Variants in KPNA5 observed in about 807,000 individuals in gnomAD.
KPNA5 encodes the protein importin subunit alpha-6.
In KPNA5, 46 loss-of-function variants were observed where a neutral mutation model predicts 71.3. That is an observed-to-expected ratio of 0.65 (90% CI 0.51 to 0.83). KPNA5 has a LOEUF of 0.83. Among genes scored for constraint, KPNA5 ranks in the 40% least tolerant of loss-of-function variants. The probability of loss-of-function intolerance (pLI) is 0.00; values close to 1 mark genes in which losing one functional copy is unlikely to be tolerated. For synonymous variants in KPNA5, 207 were observed against 201.4 expected (o/e 1.03, Z -0.24); for missense variants, 547 against 628.3 (o/e 0.87, Z 1.38).
intron 6 of KPNA5, among the ~76,000 whole-genome samples, chr6:116,703,039 T>G (rs1203548027): frequency 6.6e-6 from 1 of 152,172 alleles, no homozygotes; most frequent in Non-Finnish European, 1.5e-5. Flanking sequence ...TGGGAGCCTT[T>G]TTTTATGGCA....
chr6:116,730,644 G>C (rs371417894), intron 13 of KPNA5, among the ~76,000 whole-genome samples: 2 of 152,096 alleles, frequency 1.3e-5, no homozygotes, highest in East Asian at 3.8e-4. Context: ...GCCTGTTGCT[G>C]ACAGTGTCAC....
In KPNA5 at chr6:116,709,789, G is replaced by A. The variant is rs141033255; in HGVS notation, c.656+4629G>A. ...CTATTTCTTTTTTTTTTTTCGAGAC[G>A]GAGTCATGCTCTGTCGCCAGGCTTG... On this transcript the variant is annotated intron_variant, in intron 7 of 13. Coordinates refer to ENST00000368564, the MANE Select transcript of KPNA5 (RefSeq NM_001366306.2). 2.9e-3 allele frequency among the ~76,000 whole-genome samples: 433 copies of A among 150,146 alleles called. 3 individuals are homozygous for A. Among genetic ancestry groups the A allele is most frequent in the African/African-American group, 0.01 (418 of 40,690 alleles).
chr6:116,733,681 CTATT>C lies in KPNA5; in HGVS notation c.*1362_*1365del, dbSNP rs1779573932. ...CTTTTAATTTATAGTTATACGTAGG[CTATT>C]TATGTGTCCAATTGTATACCTAGAA... On this transcript the variant is annotated 3_prime_UTR_variant, in exon 14 of 14. Transcript: ENST00000368564. 1 of 151,352 alleles carries C rather than the reference CTATT, an allele frequency of 6.6e-6. No homozygotes were observed. The allele number at this position is 151,352 out of a possible 1,614,324, so 9.4% of individuals were successfully genotyped here.
intron 1 of KPNA5, among the ~76,000 whole-genome samples, chr6:116,686,515 TGACA>T (rs745747054): frequency 5.3e-5 from 8 of 152,200 alleles, no homozygotes; most frequent in Non-Finnish European, 1.2e-4. Flanking sequence ...TTTACTCTGT[TGACA>T]GATTCTTTTG....
intron 1 of KPNA5, among the ~76,000 whole-genome samples, chr6:116,684,017 A>G (rs936997487): frequency 4.3e-5 from 6 of 139,944 alleles, no homozygotes; most frequent in Admixed American, 7.8e-5. Flanking sequence ...AGTTCAAGCA[A>G]TTCTCCTGCC....
chr6:116,698,323 A>C (rs938231288), intron 4 of KPNA5, among the ~76,000 whole-genome samples: 2 of 151,996 alleles, frequency 1.3e-5, no homozygotes, highest in African/African-American at 4.8e-5. Context: ...ATAATGAAGG[A>C]GATATGCTTA....
At chr6:116,694,531 C>G (rs1462972406) in intron 4 of KPNA5, among the ~76,000 whole-genome samples, 1 of 150,206 alleles carries the variant, frequency 6.7e-6, no homozygotes, top group African/African-American at 2.5e-5. Context: ...TGATTTGGCT[C>G]TCTGTTTGTC....
At chr6:116,696,940 G>T (rs969055271) in intron 4 of KPNA5, among the ~76,000 whole-genome samples, 1 of 151,864 alleles carries the variant, frequency 6.6e-6, no homozygotes, top group African/African-American at 2.4e-5. Context: ...GTTCTTATGT[G>T]TGTGTGTGGG....
In KPNA5 at chr6:116,726,582, A is replaced by G; in HGVS notation, c.1213A>G (p.Ile405Val). The change falls in exon 12 of 14, where the codon ATA becomes GTA. Residue 405 changes from isoleucine to valine, a missense_variant. Physicochemically the swap from Ile to Val is conservative, Grantham distance 29. Transcript: ENST00000368564. ...TACCAGAAAAGAAGCAGCTTGGGCT[A>G]TAACTAATGCAACATCAGGAGGTAC... ...FRTRKEAAWA[I>V]TNATSGGTPE... The G allele has an allele frequency of 1.9e-6, 3 of 1,612,392 alleles. No homozygotes were observed. Among genetic ancestry groups the G allele is most frequent in the Non-Finnish European group, 2.5e-6 (3 of 1,179,150 alleles).
At position 116,701,889 on chromosome 6, in the gene KPNA5, C is replaced by A. The variant is rs1466836756; in HGVS notation, c.436-130C>A. 1.5e-5 allele frequency: 10 copies of A among 665,918 alleles called. No homozygotes were observed. The South Asian group carries it at 3.2e-4, about 21-fold the overall frequency. 41.3% of individuals were successfully genotyped at this position (665,918 alleles called of 1,614,324 possible). On this transcript the variant is annotated intron_variant, in intron 5 of 13. Transcript: ENST00000368564. ...GAGTTTTTATCCTTAAATCTGACTT[C>A]ACAATGAATCTTAATATAAGTCAGT...
rs189302208 is a variant in KPNA5 at position 116,694,867 on chromosome 6, A to G, written c.340+2475A>G. ...TCATAAAAGTGAAGTAGGGGGTCAA[A>G]GGGAATACACTGTATTAATTTATGC... On this transcript the variant is annotated intron_variant, in intron 4 of 13. Transcript: ENST00000368564. Among the ~76,000 whole-genome samples, 600 of 152,312 alleles carry G rather than the reference A, an allele frequency of 3.9e-3. 15 individuals are homozygous for G. In the South Asian group the frequency reaches 0.041, roughly 10 times the overall value.
intron 8 of KPNA5, among the ~76,000 whole-genome samples, chr6:116,720,560 C>T (rs1349850637): frequency 6.6e-6 from 1 of 152,132 alleles, no homozygotes; most frequent in African/African-American, 2.4e-5. Flanking sequence ...GCTTCAAAAA[C>T]CCGATATTTG....
At chr6:116,709,942 G>A (rs1275523150) in intron 7 of KPNA5, among the ~76,000 whole-genome samples, 2 of 151,876 alleles carry the variant, frequency 1.3e-5, no homozygotes, top group South Asian at 2.1e-4. Context: ...TGTATTTTTA[G>A]TAGAGACAGG....
At position 116,735,573 on chromosome 6, in the gene KPNA5, G is replaced by C. The variant is rs1024818762; in HGVS notation, c.*3250G>C. 2.0e-5 allele frequency: 3 copies of C among 151,558 alleles called. No individual in the cohort carries two copies. The highest frequency in any genetic ancestry group is 7.3e-5 in the African/African-American group (3 of 41,376). The allele number at this position is 151,558 out of a possible 1,614,324, so 9.4% of individuals were successfully genotyped here. A position where few individuals can be genotyped will look rare whatever the true frequency, so the allele number is the denominator to read the frequency against. ...TACCCTACTAAATAAACCAACTTTT[G>C]AGTAGTATGCAATATTATGAAATGT... On this transcript the variant is annotated 3_prime_UTR_variant, in exon 14 of 14. Transcript: ENST00000368564.
intron 2 of KPNA5, 89 bp downstream of exon 2, chr6:116,689,542 A>G: frequency 9.0e-7 from 1 of 1,112,240 alleles, no homozygotes; most frequent in Non-Finnish European, 1.2e-6. Flanking sequence ...TGTTTTAAGA[A>G]ATTGAATATA....
chr6:116,700,539 G>C, intron 5 of KPNA5, among the ~76,000 whole-genome samples: 1 of 152,084 alleles, frequency 6.6e-6, no homozygotes, highest in Non-Finnish European at 1.5e-5. Context: ...AAAAACTATA[G>C]AAATTCAACA....
chr6:116,731,640 A>G (rs2114509411), intron 13 of KPNA5, among the ~76,000 whole-genome samples: 1 of 147,450 alleles, frequency 6.8e-6, no homozygotes, highest in Non-Finnish European at 1.5e-5. Flanking sequence ...CAACAGCCAT[A>G]TGTTTTTTAT....
chr6:116,706,104 T>G (rs1487175735), intron 7 of KPNA5, among the ~76,000 whole-genome samples: 1 of 152,230 alleles, frequency 6.6e-6, no homozygotes, highest in Non-Finnish European at 1.5e-5. Flanking sequence ...ATGAATCATT[T>G]TGAAGTCTGT....
chr6:116,720,956 A>G (rs1779082417), intron 8 of KPNA5, among the ~76,000 whole-genome samples: 1 of 152,248 alleles, frequency 6.6e-6, no homozygotes, highest in South Asian at 2.1e-4. Context: ...TAACAGATAG[A>G]CATACCTATT....
Sources: allele counts gnomAD v4.1 joint callset (sites outside exome capture counted in the v4.1 genomes callset), GRCh38; gene constraint gnomAD v4.1.1; transcripts MANE v1.5; gene names NCBI Gene and HGNC (gene_info 2026-07-23, HGNC 2026-07-21).